The following IGSF9 variants were observed in gnomAD, a reference collection of about 807,000 sequenced individuals.
IGSF9 encodes immunoglobulin superfamily member 9.
Under a neutral mutation model 121.7 loss-of-function variants are expected in IGSF9, and 87 were observed. The observed-to-expected ratio is 0.71, with a 90% CI of 0.60 to 0.85. IGSF9 has a LOEUF of 0.85. Ranked by LOEUF, IGSF9 falls within the 40% of genes least tolerant of loss-of-function variation. The pLI, the probability that IGSF9 is intolerant of heterozygous loss-of-function variation, is 0.00. For missense variants in IGSF9, 1,462 were observed against 1,565.3 expected (o/e 0.93, Z 1.11); for synonymous variants, 640 against 648.4 (o/e 0.99, Z 0.20).
At position 159,931,031 on chromosome 1, in the gene IGSF9, G is replaced by T; in HGVS notation, c.1637+107C>A. 2 of 1,527,692 alleles carry T rather than the reference G, an allele frequency of 1.3e-6. No individual in the cohort carries two copies. The highest frequency in any genetic ancestry group is 3.7e-5 in the Admixed American group (2 of 53,934). The allele number at this position is 1,527,692 out of a possible 1,614,324, so 94.6% of individuals were successfully genotyped here. A position where few individuals can be genotyped will look rare whatever the true frequency, so the allele number is the denominator to read the frequency against. Reference sequence around the variant, plus strand: ...AAACAGGGAAGCAGAGCCAGGACTGGTGAGGGATAGAGGGACAGAAGAAAG... The same window carrying T: ...AAACAGGGAAGCAGAGCCAGGACTGTTGAGGGATAGAGGGACAGAAGAAAG... On this transcript the variant is annotated intron_variant, in intron 13 of 20. Transcript: ENST00000368094. This position sits in a 1 kb window ranked among gnomAD's most constrained non-coding sequence, Gnocchi z 4.8.
chr1:159,927,257 C>T lies in IGSF9; in HGVS notation c.*88G>A. ...TGGGCACCAAAGGGGCAGGCAGGGGCAGTGCCCTCGTTTGAAACTAGGTCT... is the reference window on the plus strand; with the variant it reads ...TGGGCACCAAAGGGGCAGGCAGGGGTAGTGCCCTCGTTTGAAACTAGGTCT... On this transcript the variant is annotated 3_prime_UTR_variant, in exon 21 of 21. Transcript: ENST00000368094. 2 of 1,509,490 alleles carry T rather than the reference C, an allele frequency of 1.3e-6. No individual in the cohort carries two copies. Among genetic ancestry groups the T allele is most frequent in the South Asian group, 2.3e-5 (2 of 88,058 alleles). The allele number at this position is 1,509,490 out of a possible 1,614,324, so 93.5% of individuals were successfully genotyped here. A position where few individuals can be genotyped will look rare whatever the true frequency, so the allele number is the denominator to read the frequency against.
At position 159,943,402 on chromosome 1, in the gene IGSF9, G is replaced by A; in HGVS notation, c.53C>T (p.Ala18Val). The change falls in exon 2 of 21, where the codon GCT (alanine) becomes GTT (valine). Residue 18 changes from alanine (A) to valine (V), a missense_variant. By Grantham distance (64) the Ala-to-Val change is moderately conservative. Transcript: ENST00000368094. ...AVLSLVISQG[A>V]DGRGKPEVVS... ...AGCCCAAGAGCTCAGCTTACCGTCA[G>A]CCCCCTGGCTGATGACCAGGCTGAG... The A allele has an allele frequency of 6.3e-7, 1 of 1,587,290 alleles. No homozygotes were observed. Among genetic ancestry groups the A allele is most frequent in the Non-Finnish European group, 8.6e-7 (1 of 1,166,316 alleles).
In IGSF9 at chr1:159,929,051, AG is replaced by A. The variant is rs542868267; in HGVS notation, c.2370-34del. 1.8e-5 allele frequency: 27 copies of A among 1,508,416 alleles called. No individual in the cohort carries two copies. The East Asian group carries it at 6.2e-4, about 35-fold the overall frequency. The allele number at this position is 1,508,416 out of a possible 1,614,324, so 93.4% of individuals were successfully genotyped here. On this transcript the variant is annotated intron_variant, in intron 18 of 20. Coordinates refer to ENST00000368094, the MANE Select transcript of IGSF9 (RefSeq NM_001135050.2). ...AGGACAGGAGATCAGGGTCTGTGGTAGGGGCAGGTCCCCCTCCCAGGAGCCA... is the reference window on the plus strand; with the variant it reads ...AGGACAGGAGATCAGGGTCTGTGGTAGGGCAGGTCCCCCTCCCAGGAGCCA...
rs112824619 is a variant in IGSF9, at chr1:159,943,440, G to A, written c.15C>T (p.Leu5=). 67 of 1,586,694 alleles carry A rather than the reference G, an allele frequency of 4.2e-5. No individual in the cohort carries two copies. In the Middle Eastern group the frequency reaches 5.0e-4, roughly 12 times the overall value. MVWC[L]GLAVLSLVIS... is the part of the protein sequence containing the mutation. ...TGACCAGGCTGAGGACGGCCAGGCC[G>A]AGGCACCACACCATAGCCCAGCTGG... The change falls in exon 2 of 21, where the codon CTC becomes CTT. Residue 5 remains leucine (L), a synonymous_variant. Coordinates refer to ENST00000368094, the MANE Select transcript of IGSF9 (RefSeq NM_001135050.2).
chr1:159,937,094 AC>A (rs1369186357), intron 4 of IGSF9, among the ~76,000 whole-genome samples, 186 bp from the exon 5 acceptor site: 1 of 151,554 alleles, frequency 6.6e-6, no homozygotes. Context: ...CTGTCAACCC[AC>A]CCCCACACAC....
At position 159,927,380 on chromosome 1, in the gene IGSF9, G is replaced by A. The variant is rs752504143; in HGVS notation, c.3505C>T (p.Pro1169Ser). ...GTGGCCTGTTCGGGGTGGGGGACTG[G>A]CTGTCGATAGGCTGGTAGCCGAGCC... ...TRARLPAYRQ[P>S]VPHPEQATLL The change falls in exon 21 of 21, where the codon CCA becomes TCA. Residue 1169 changes from proline to serine, a missense_variant. Physicochemically the swap from Pro to Ser is moderately conservative, Grantham distance 74. This residue lies in a region of IGSF9 where 808 missense variants were observed against 815.2 expected (regional missense o/e 0.99). Coordinates refer to ENST00000368094, the MANE Select transcript of IGSF9 (RefSeq NM_001135050.2). 1 of 1,613,746 alleles carries A rather than the reference G, an allele frequency of 6.2e-7. No individual in the cohort carries two copies. Among genetic ancestry groups the A allele is most frequent in the Non-Finnish European group, 8.5e-7 (1 of 1,180,048 alleles).
At position 159,928,924 on chromosome 1, in the gene IGSF9, C is replaced by G. The variant is rs958443722; in HGVS notation, c.2464G>C (p.Asp822His). Reference sequence around the variant, plus strand: ...TGGGGGCTGGGAGTTCCGGCAGGATCCCCCCAGAGCAGACTCTGGCGCAGG... The same window carrying G: ...TGGGGGCTGGGAGTTCCGGCAGGATGCCCCCAGAGCAGACTCTGGCGCAGG... ...PSLRQSLLWG[D>H]PAGTPSPHPD... The change falls in exon 19 of 21, where the codon GAT (aspartate) becomes CAT (histidine). Residue 822 changes from aspartate (D) to histidine (H), a missense_variant. Physicochemically the swap from Asp to His is moderately conservative, Grantham distance 81 (BLOSUM62 -1). This residue lies in a region of IGSF9 where 808 missense variants were observed against 815.2 expected (regional missense o/e 0.99). Transcript: ENST00000368094. 1.3e-6 allele frequency: 2 copies of G among 1,572,858 alleles called. No individual in the cohort carries two copies. The highest frequency in any genetic ancestry group is 2.7e-5 in the African/African-American group (2 of 73,288).
In IGSF9 at chr1:159,932,101, C is replaced by G; in HGVS notation, c.1246-173G>C. ...ATTCTCTCTCCATCTCTCAATTCCTCTCTGGCTCTGTTTCTGTTCCCCAGT... is the reference window on the plus strand; with the variant it reads ...ATTCTCTCTCCATCTCTCAATTCCTGTCTGGCTCTGTTTCTGTTCCCCAGT... On this transcript the variant is annotated intron_variant, in intron 10 of 20. Transcript: ENST00000368094. This position sits in a 1 kb window ranked among gnomAD's most constrained non-coding sequence, Gnocchi z 4.1. The G allele has an allele frequency of 1.7e-6, 1 of 581,790 alleles. No individual in the cohort carries two copies. The highest frequency in any genetic ancestry group is 2.2e-5 in the South Asian group (1 of 46,374). 36.0% of individuals were successfully genotyped at this position (581,790 alleles called of 1,614,324 possible). A position where few individuals can be genotyped will look rare whatever the true frequency, so the allele number is the denominator to read the frequency against.
At chr1:159,930,889 G>A (rs1285096113) in intron 13 of IGSF9, 22 bp from the exon 14 acceptor site, 4 of 1,578,894 alleles carry the variant, frequency 2.5e-6, no homozygotes, top group Non-Finnish European at 3.4e-6. Context: ...GAGGACATGG[G>A]GGGCACCTCG....
Position 159,932,490 on chromosome 1 carries a change from C to T in IGSF9, c.1245+22G>A. The T allele has an allele frequency of 6.2e-7, 1 of 1,613,052 alleles. No homozygotes were observed. Among genetic ancestry groups the T allele is most frequent in the Non-Finnish European group, 8.5e-7 (1 of 1,179,484 alleles). On this transcript the variant is annotated intron_variant, in intron 10 of 20. Transcript: ENST00000368094. This position sits in a 1 kb window ranked among gnomAD's most constrained non-coding sequence, Gnocchi z 4.1. Reference sequence around the variant, plus strand: ...CATCTGACCCACTGTCACCACAGGCCCCCGCCCACCCCCGGCCTAACCTTG... The same window carrying T: ...CATCTGACCCACTGTCACCACAGGCTCCCGCCCACCCCCGGCCTAACCTTG...
Position 159,932,420 on chromosome 1 carries a change from G to GGCCCCCC in IGSF9, c.1245+91_1245+92insGGGGGGC. On this transcript the variant is annotated intron_variant, in intron 10 of 20. Coordinates refer to ENST00000368094, the MANE Select transcript of IGSF9 (RefSeq NM_001135050.2). This position sits in a 1 kb window ranked among gnomAD's most constrained non-coding sequence, Gnocchi z 4.1. The stretch of plus-strand genomic sequence containing the variant: ...CTTGGAAACCCCTCCCCATGTGTCT[G>GGCCCCCC]CCCCACCCCACCCCCATCAGCCTGG... 2.1e-5 allele frequency: 21 copies of GGCCCCCC among 1,021,762 alleles called. No individual in the cohort carries two copies. Among genetic ancestry groups the GGCCCCCC allele is most frequent in the East Asian group, 2.7e-5 (1 of 36,488 alleles). 63.3% of individuals were successfully genotyped at this position (1,021,762 alleles called of 1,614,324 possible).
Position 159,932,005 on chromosome 1 carries a change from G to T in IGSF9, c.1246-77C>A. 1 of 852,662 alleles carries T rather than the reference G, an allele frequency of 1.2e-6. No individual in the cohort carries two copies. The highest frequency in any genetic ancestry group is 1.9e-6 in the Non-Finnish European group (1 of 533,704). The allele number at this position is 852,662 out of a possible 1,614,324, so 52.8% of individuals were successfully genotyped here. A position where few individuals can be genotyped will look rare whatever the true frequency, so the allele number is the denominator to read the frequency against. ...GCTACTCCCTCTCTCTGTGCTCCCT[G>T]TCATGCCATGTCTCACCTCACTCTC... is the stretch of plus-strand genomic sequence containing the variant. On this transcript the variant is annotated intron_variant, in intron 10 of 20. Transcript: ENST00000368094. The surrounding 1 kb of genome is among the most constrained non-coding windows in gnomAD (Gnocchi z 4.1).
chr1:159,938,788 T>C (rs1651283307), intron 3 of IGSF9, among the ~76,000 whole-genome samples: 2 of 152,036 alleles, frequency 1.3e-5, no homozygotes, highest in Admixed American at 1.3e-4. Context: ...AAAATTGGGG[T>C]GGGGTGGAGG....
chr1:159,939,543 G>A (rs917784874), intron 3 of IGSF9, among the ~76,000 whole-genome samples: 1 of 152,150 alleles, frequency 6.6e-6, no homozygotes, highest in Non-Finnish European at 1.5e-5. Flanking sequence ...TTAATCTTAT[G>A]TTGTTTGCAA....
At chr1:159,940,828 T>A (rs1651349842) in intron 3 of IGSF9, among the ~76,000 whole-genome samples, 1 of 152,214 alleles carries the variant, frequency 6.6e-6, no homozygotes, top group South Asian at 2.1e-4. Context: ...TTCTGCTGTG[T>A]GGGGCATCTT....
chr1:159,932,176 G>A lies in IGSF9; in HGVS notation c.1246-248C>T. 1.8e-6 allele frequency: 1 copy of A among 569,522 alleles called. No individual in the cohort carries two copies. The allele number at this position is 569,522 out of a possible 1,614,324, so 35.3% of individuals were successfully genotyped here. On this transcript the variant is annotated intron_variant, in intron 10 of 20. Coordinates refer to ENST00000368094, the MANE Select transcript of IGSF9 (RefSeq NM_001135050.2). This position sits in a 1 kb window ranked among gnomAD's most constrained non-coding sequence, Gnocchi z 4.1. ...GGTGTAGTAAGGGCTGGCAGGCTTA[G>A]GCAGGACTCTCAGAGATGTACAAAC...
Position 159,928,337 on chromosome 1 carries a change from AG to A in IGSF9, c.3050del (p.Pro1017LeufsTer56). ...TGCTCTGGCTGGTGAGGCTGCCTCG[AG>A]GGGCAGCAGGGAGAAGGCCTGGCAG... is the stretch of plus-strand genomic sequence containing the variant. Reference protein sequence around the residue: ...RLLPGLLPAAPRGSLTSQSSG... With the variant: ...RLLPGLLPAAXRGSLTSQSSG... On this transcript the variant is annotated frameshift_variant, in exon 19 of 21. Transcript: ENST00000368094. LOFTEE classifies it high-confidence loss of function. The A allele has an allele frequency of 6.2e-7, 1 of 1,609,196 alleles. No individual in the cohort carries two copies.
chr1:159,936,662 C>T, intron 5 of IGSF9, 92 bp downstream of exon 5: 1 of 1,551,434 alleles, frequency 6.4e-7, no homozygotes, highest in Non-Finnish European at 8.8e-7. Context: ...TCCAGCCTGG[C>T]CTTTGCCTCC....
rs760098657 is a variant in IGSF9, at chr1:159,928,259, T to C, written c.3129A>G (p.Ala1043=). The C allele has an allele frequency of 6.2e-6, 10 of 1,613,184 alleles. No homozygotes were observed. The Admixed American group carries it at 1.7e-4, about 27-fold the overall frequency. Residue 1043 remains alanine (A), a synonymous_variant, in exon 19 of 21, where the codon GCA becomes GCG. Transcript: ENST00000368094. ...GAGCAGGGCTGAGGTAGCTGCCTCC[T>C]GCAGAGGGGGCTGTGGAGGGGGGCC... The part of the protein sequence containing the change: ...FLRPPSTAPS[A]GGSYLSPAPG...
Sources: allele counts gnomAD v4.1 joint callset (sites outside exome capture counted in the v4.1 genomes callset), GRCh38; gene constraint gnomAD v4.1.1; regional missense constraint gnomAD v4.1.1; non-coding constraint Gnocchi (gnomAD v3.1); transcripts MANE v1.5; gene names NCBI Gene and HGNC (gene_info 2026-07-23, HGNC 2026-07-21).